Variants in FOXP2 observed in about 807,000 individuals in gnomAD.
FOXP2 encodes forkhead box protein P2.
FOXP2 carries 12 observed loss-of-function variants against 115.8 expected under a neutral mutation model. The observed-to-expected ratio is 0.10, with a 90% CI of 0.07 to 0.17. FOXP2 has a LOEUF of 0.17. FOXP2 is among the 10% of genes least tolerant of loss of function. FOXP2 has a pLI of 1.00. For missense variants in FOXP2, 629 were observed against 843.5 expected (o/e 0.75, Z 3.15); for synonymous variants, 328 against 297.7 (o/e 1.10, Z -1.05).
At chr7:114,352,321 A>G (rs1467752317) in intron 2 of FOXP2, among the ~76,000 whole-genome samples, 2 of 152,052 alleles carry the variant, frequency 1.3e-5, no homozygotes, top group Non-Finnish European at 2.9e-5. Context: ...TTGAGTCAGA[A>G]AGGTTATATG....
chr7:114,329,117 G>T (rs1382386120), intron 2 of FOXP2, among the ~76,000 whole-genome samples: 1 of 152,164 alleles, frequency 6.6e-6, no homozygotes, highest in Non-Finnish European at 1.5e-5. Context: ...ATCGAGTATT[G>T]ATTGAATGCT....
At position 114,428,652 on chromosome 7, in the gene FOXP2, A is replaced by G. The variant is rs190617761; in HGVS notation, c.168+1973A>G. 3.5e-3 allele frequency among the ~76,000 whole-genome samples: 528 copies of G among 151,640 alleles called. 1 individual carries two copies. Among genetic ancestry groups the G allele is most frequent in the Admixed American group, 5.5e-3 (83 of 15,152 alleles). ...ATATCCCTTCCCTTGGTTATGTTTT[A>G]ACTATATTAATATAGTTAGGTACCT... On this transcript the variant is annotated intron_variant, in intron 2 of 16. Transcript: ENST00000350908.
rs188081477 is a variant in FOXP2, at chr7:114,601,018, C to T, written c.259-27522C>T. On this transcript the variant is annotated intron_variant, in intron 3 of 16. Transcript: ENST00000350908. ...TCATTCTGTCACCCAGGCTGGAGTG[C>T]AGTGGCATGATCTCAGCTCACTTCA... Among the ~76,000 whole-genome samples the T allele has an allele frequency of 4.0e-3, 598 of 150,948 alleles. 1 individual carries two copies. The highest frequency in any genetic ancestry group is 5.3e-3 in the Non-Finnish European group (363 of 67,860).
chr7:114,274,596 CTCA>C (rs1796138755), intron 1 of FOXP2, among the ~76,000 whole-genome samples: 1 of 121,644 alleles, frequency 8.2e-6, no homozygotes, highest in Non-Finnish European at 1.7e-5. Context: ...TTTTTTCCCT[CTCA>C]AAGCTTTTTT....
chr7:114,492,318 C>G (rs1427703415), intron 2 of FOXP2, among the ~76,000 whole-genome samples: 1 of 152,010 alleles, frequency 6.6e-6, no homozygotes, highest in African/African-American at 2.4e-5. Flanking sequence ...CTTTATTAGT[C>G]TCGCTAGCGG....
chr7:114,366,785 T>C (rs2129188512), intron 2 of FOXP2: 1 of 152,300 alleles, frequency 6.6e-6, no homozygotes, highest in East Asian at 1.9e-4. Context: ...AATTTTGTTT[T>C]GTCTTAGATG....
chr7:114,218,912 G>A (rs1584553788), intron 1 of FOXP2, among the ~76,000 whole-genome samples: 2 of 152,086 alleles, frequency 1.3e-5, no homozygotes, highest in African/African-American at 4.8e-5. Flanking sequence ...TTTGGTACCA[G>A]CTGCCGTCCT....
chr7:114,227,803 C>T (rs1053641239), intron 1 of FOXP2, among the ~76,000 whole-genome samples: 2 of 151,842 alleles, frequency 1.3e-5, no homozygotes, highest in South Asian at 2.1e-4. Flanking sequence ...CATGAAGCAG[C>T]GTTAATACGT....
At chr7:114,181,107 T>C (rs1273119374) in intron 1 of FOXP2, among the ~76,000 whole-genome samples, 2 of 151,830 alleles carry the variant, frequency 1.3e-5, no homozygotes, top group Non-Finnish European at 2.9e-5. Flanking sequence ...TATGCTGGTT[T>C]AATTTAATTA....
chr7:114,605,114 A>C (rs1584944243), intron 3 of FOXP2, among the ~76,000 whole-genome samples: 1 of 152,314 alleles, frequency 6.6e-6, no homozygotes, highest in Admixed American at 6.5e-5. Flanking sequence ...CTTGTCAAGA[A>C]CTCAGAGTCA....
intron 3 of FOXP2, among the ~76,000 whole-genome samples, chr7:114,596,758 T>C (rs1306036836): frequency 6.6e-6 from 1 of 152,106 alleles, no homozygotes; most frequent in Non-Finnish European, 1.5e-5. Context: ...GTGTTACTTA[T>C]TTCAGAAACT....
chr7:114,407,963 G>A (rs749274131), intron 2 of FOXP2, among the ~76,000 whole-genome samples: 1 of 152,042 alleles, frequency 6.6e-6, no homozygotes, highest in African/African-American at 2.4e-5. Flanking sequence ...TTAAAAATCT[G>A]CTTAAAAGGA....
chr7:114,537,648 A>T (rs1799462894), intron 3 of FOXP2, among the ~76,000 whole-genome samples: 1 of 151,656 alleles, frequency 6.6e-6, no homozygotes, highest in African/African-American at 2.4e-5. Context: ...TGTGCTACAG[A>T]TGGCATAGAT....
intron 2 of FOXP2, among the ~76,000 whole-genome samples, chr7:114,503,784 A>C (rs907115305): frequency 1.1e-4 from 16 of 150,412 alleles, no homozygotes; most frequent in Non-Finnish European, 2.2e-4. Flanking sequence ...TTTATTAATA[A>C]ATAGCCTGTG....
chr7:114,588,546 A>T (rs1447987332), intron 3 of FOXP2, among the ~76,000 whole-genome samples: 2 of 152,150 alleles, frequency 1.3e-5, no homozygotes, highest in African/African-American at 2.4e-5. Context: ...CTTCTTTATG[A>T]TACTGCTTTT....
At chr7:114,214,401 A>G (rs927260597) in intron 1 of FOXP2, among the ~76,000 whole-genome samples, 1 of 152,216 alleles carries the variant, frequency 6.6e-6, no homozygotes, top group African/African-American at 2.4e-5. Context: ...TCTTAGGGTC[A>G]TGAATTTGGC....
intron 1 of FOXP2, among the ~76,000 whole-genome samples, chr7:114,248,210 G>C (rs1250161165): frequency 2.9e-5 from 4 of 139,984 alleles, no homozygotes; most frequent in African/African-American, 7.9e-5. Context: ...GAGAGAGAGA[G>C]AGACAGAGAG....
intron 1 of FOXP2, among the ~76,000 whole-genome samples, chr7:114,219,492 T>C (rs983377723): frequency 6.6e-6 from 1 of 152,220 alleles, no homozygotes; most frequent in Non-Finnish European, 1.5e-5. Flanking sequence ...CAGCTATATT[T>C]GTTTTAAACA....
intron 11 of FOXP2, among the ~76,000 whole-genome samples, chr7:114,658,699 A>C (rs1022934323): frequency 6.6e-6 from 1 of 152,202 alleles, no homozygotes; most frequent in Non-Finnish European, 1.5e-5. Flanking sequence ...CCTAAATGAA[A>C]TCCTGTCACA....
Sources: gnomAD v4.1 joint callset for allele counts (sites outside exome capture counted in the v4.1 genomes callset) on GRCh38, gnomAD v4.1.1 for gene constraint, MANE v1.5 for transcripts, NCBI Gene and HGNC (gene_info 2026-07-23, HGNC 2026-07-21) for gene names.